Variants in ALK observed in about 807,000 individuals in gnomAD.
ALK encodes the protein ALK tyrosine kinase receptor.
A neutral mutation model predicts 163.1 loss-of-function variants in ALK; 74 were observed. The ratio of observed to expected loss-of-function variants is 0.45; its 90% confidence interval spans 0.38 to 0.55. The LOEUF (loss-of-function observed/expected upper bound fraction) is 0.55. Ranked by LOEUF, ALK falls within the 20% of genes least tolerant of loss-of-function variation. ALK has a pLI of 0.00. For missense variants in ALK, 2,063 were observed against 2,105.3 expected (o/e 0.98, Z 0.39); for synonymous variants, 960 against 843.2 (o/e 1.14, Z -2.40).
intron 1 of ALK, among the ~76,000 whole-genome samples, chr2:29,866,213 T>C (rs1239752854): frequency 6.6e-6 from 1 of 152,088 alleles, no homozygotes; most frequent in East Asian, 1.9e-4. Flanking sequence ...GTAGGTGAAA[T>C]GAGGCCACTT....
chr2:29,262,249 T>C (rs1336796731), intron 11 of ALK, among the ~76,000 whole-genome samples: 1 of 152,236 alleles, frequency 6.6e-6, no homozygotes, highest in Non-Finnish European at 1.5e-5. Context: ...CTTCCCTCTT[T>C]CTACAACACG....
intron 3 of ALK, among the ~76,000 whole-genome samples, chr2:29,654,040 A>G (rs1172385126): frequency 6.6e-6 from 1 of 152,174 alleles, no homozygotes; most frequent in Non-Finnish European, 1.5e-5. Context: ...CCTGGGTGAC[A>G]GAGCAAGACT....
chr2:29,674,691 A>C (rs1014369313), intron 3 of ALK, among the ~76,000 whole-genome samples: 28 of 151,166 alleles, frequency 1.9e-4, no homozygotes, highest in African/African-American at 6.6e-4. Flanking sequence ...TGGCCTCATA[A>C]AATGAGTTAG....
chr2:29,784,992 A>C (rs1328689406), intron 1 of ALK, among the ~76,000 whole-genome samples: 2 of 151,626 alleles, frequency 1.3e-5, no homozygotes, highest in African/African-American at 4.8e-5. Context: ...AGAAGGGAGG[A>C]TCAAGTCGAG....
chr2:29,233,236 G>C (rs1018046058), intron 14 of ALK, among the ~76,000 whole-genome samples: 1 of 152,158 alleles, frequency 6.6e-6, no homozygotes, highest in African/African-American at 2.4e-5. Context: ...TTGAACTCCT[G>C]GGTTCAAATG....
chr2:29,466,138 C>T (rs1671204756), intron 4 of ALK, among the ~76,000 whole-genome samples: 1 of 152,300 alleles, frequency 6.6e-6, no homozygotes, highest in African/African-American at 2.4e-5. Flanking sequence ...CAAACAAATA[C>T]TTCAGTAAAC....
At chr2:29,640,912 G>A (rs1676682322) in intron 3 of ALK, among the ~76,000 whole-genome samples, 2 of 152,184 alleles carry the variant, frequency 1.3e-5, no homozygotes, top group South Asian at 4.1e-4. Context: ...TAAACAGCTA[G>A]GGAAAGAGTA....
intron 3 of ALK, among the ~76,000 whole-genome samples, chr2:29,584,731 G>C (rs1323072535): frequency 6.6e-6 from 1 of 152,170 alleles, no homozygotes; most frequent in African/African-American, 2.4e-5. Flanking sequence ...ATGCCTTTCT[G>C]GTTTGCACCT....
intron 4 of ALK, among the ~76,000 whole-genome samples, chr2:29,408,158 C>T (rs1304679963): frequency 6.6e-6 from 1 of 151,082 alleles, no homozygotes; most frequent in African/African-American, 2.4e-5. Context: ...TCTTGGCTCA[C>T]TGCAAACTCT....
chr2:29,278,385 T>C (rs1056926065), intron 9 of ALK, among the ~76,000 whole-genome samples: 1 of 152,070 alleles, frequency 6.6e-6, no homozygotes, highest in Non-Finnish European at 1.5e-5. Context: ...CAAAGACCTC[T>C]TAGAGGATAA....
intron 4 of ALK, among the ~76,000 whole-genome samples, chr2:29,479,618 C>T (rs1447747439): frequency 6.6e-6 from 1 of 152,190 alleles, no homozygotes; most frequent in Non-Finnish European, 1.5e-5. Flanking sequence ...AAAGTGTTTG[C>T]ATTTTCTTCA....
chr2:29,668,411 G>T (rs1017263780), intron 3 of ALK, among the ~76,000 whole-genome samples: 15 of 151,648 alleles, frequency 9.9e-5, no homozygotes, highest in African/African-American at 3.4e-4. Context: ...CTCCCTGTTA[G>T]CACTGTTTTG....
chr2:29,387,168 C>T (rs977418313), intron 4 of ALK, among the ~76,000 whole-genome samples: 5 of 152,158 alleles, frequency 3.3e-5, no homozygotes, highest in Non-Finnish European at 5.9e-5. Context: ...ACTGTATGGA[C>T]AGCTTGTCAC....
At chr2:29,470,447 A>T (rs1474568527) in intron 4 of ALK, among the ~76,000 whole-genome samples, 3 of 152,228 alleles carry the variant, frequency 2.0e-5, no homozygotes, top group Admixed American at 2.0e-4. Context: ...AAGCTGCTGA[A>T]AATCAAAGAC....
intron 14 of ALK, 76 bp downstream of exon 14, chr2:29,233,489 A>C (rs1484818540): frequency 1.2e-6 from 2 of 1,605,234 alleles, no homozygotes; most frequent in Non-Finnish European, 1.7e-6. Flanking sequence ...AGGTGTTTCT[A>C]TCCCAGGGCT....
At chr2:29,619,806 C>A (rs200050439) in intron 3 of ALK, among the ~76,000 whole-genome samples, 2 of 152,174 alleles carry the variant, frequency 1.3e-5, no homozygotes, top group Non-Finnish European at 2.9e-5. Flanking sequence ...GTCTGCTGCC[C>A]GCACTCAGCC....
chr2:29,823,628 G>T (rs1665112464), intron 1 of ALK, among the ~76,000 whole-genome samples: 1 of 152,190 alleles, frequency 6.6e-6, no homozygotes, highest in Non-Finnish European at 1.5e-5. Flanking sequence ...GTGGCATTTT[G>T]CCCCTGGTCC....
intron 3 of ALK, among the ~76,000 whole-genome samples, chr2:29,543,010 T>TA (rs1369339427): frequency 3.9e-5 from 6 of 152,176 alleles, no homozygotes; most frequent in Admixed American, 3.3e-4. Context: ...TCAGCTTTTT[T>TA]TATATATATT....
chr2:29,677,132 C>A (rs1487386092), intron 3 of ALK, among the ~76,000 whole-genome samples: 3 of 149,544 alleles, frequency 2.0e-5, no homozygotes, highest in Non-Finnish European at 1.5e-5. Flanking sequence ...GTTTTTAGTT[C>A]CCTCCCTCCC....
Sources: allele counts gnomAD v4.1 joint callset (sites outside exome capture counted in the v4.1 genomes callset), GRCh38; gene constraint gnomAD v4.1.1; transcripts MANE v1.5; gene names NCBI Gene and HGNC (gene_info 2026-07-23, HGNC 2026-07-21).